Variants in CCDC85A observed in about 807,000 individuals in gnomAD.
CCDC85A encodes the protein coiled-coil domain containing 85A.
Under a neutral mutation model 50.2 loss-of-function variants are expected in CCDC85A, and 38 were observed. The observed-to-expected ratio is 0.76, with a 90% CI of 0.58 to 0.99. CCDC85A has a LOEUF of 0.99. CCDC85A is among the 50% of genes least tolerant of loss of function. The pLI is 0.00. For missense variants in CCDC85A, 820 were observed against 742.0 expected (o/e 1.11, Z -1.22); for synonymous variants, 366 against 301.4 (o/e 1.21, Z -2.22).
At chr2:56,366,154 C>G (rs1344087020) in intron 3 of CCDC85A, among the ~76,000 whole-genome samples, 1 of 152,126 alleles carries the variant, frequency 6.6e-6, no homozygotes, top group Admixed American at 6.5e-5. Context: ...CTTTATTCAT[C>G]CATTCATGGA....
rs771657944 is a variant in CCDC85A at position 56,369,856 on chromosome 2, T to A, written c.1318-2488T>A. ...CGTTTTCTGAAAAACCCTACACTAT[T>A]ACCTCTATAGAAGTTTCCAGAGTTT... On this transcript the variant is annotated intron_variant, in intron 3 of 5. Coordinates refer to ENST00000407595, the MANE Select transcript of CCDC85A (RefSeq NM_001080433.2). Among the ~76,000 whole-genome samples the A allele has an allele frequency of 2.6e-5, 4 of 152,146 alleles. No individual in the cohort carries two copies. The South Asian group carries it at 8.3e-4, about 32-fold the overall frequency.
intron 2 of CCDC85A, among the ~76,000 whole-genome samples, chr2:56,315,116 G>A (rs1216977527): frequency 1.3e-5 from 2 of 152,076 alleles, no homozygotes; most frequent in African/African-American, 4.8e-5. Context: ...TTCGCCACTG[G>A]GAATGTGTTT....
intron 2 of CCDC85A, among the ~76,000 whole-genome samples, chr2:56,277,902 G>A (rs1184773588): frequency 6.6e-6 from 1 of 152,222 alleles, no homozygotes; most frequent in Non-Finnish European, 1.5e-5. Context: ...AAAGACATTA[G>A]GAAGGGACGT....
chr2:56,333,769 G>A (rs1355416402), intron 2 of CCDC85A, among the ~76,000 whole-genome samples: 1 of 152,122 alleles, frequency 6.6e-6, no homozygotes, highest in African/African-American at 2.4e-5. Context: ...GAGGAACCAC[G>A]CATAATTCTA....
intron 2 of CCDC85A, among the ~76,000 whole-genome samples, chr2:56,262,096 A>G (rs949224089): frequency 6.6e-6 from 1 of 152,120 alleles, no homozygotes; most frequent in African/African-American, 2.4e-5. Flanking sequence ...ATTTCAGCCC[A>G]ATTTCAGGTG....
At position 56,251,243 on chromosome 2, in the gene CCDC85A, C is replaced by T. The variant is rs183697531; in HGVS notation, c.1240+57803C>T. ...GGGCTCTGTTTTCTCCTGTAGGCAGCAAATCCTTTGTGAGCCCAAGTTTGC... is the reference window on the plus strand; with the variant it reads ...GGGCTCTGTTTTCTCCTGTAGGCAGTAAATCCTTTGTGAGCCCAAGTTTGC... On this transcript the variant is annotated intron_variant, in intron 2 of 5. Coordinates refer to ENST00000407595, the MANE Select transcript of CCDC85A (RefSeq NM_001080433.2). Among the ~76,000 whole-genome samples the T allele has an allele frequency of 2.2e-4, 33 of 152,312 alleles. No homozygotes were observed. The East Asian group carries it at 6.0e-3, about 28-fold the overall frequency.
intron 2 of CCDC85A, among the ~76,000 whole-genome samples, chr2:56,273,912 G>C (rs1364639169): frequency 6.6e-6 from 1 of 152,082 alleles, no homozygotes; most frequent in East Asian, 1.9e-4. Context: ...AATAAAAAAT[G>C]AATTACAAAC....
intron 2 of CCDC85A, among the ~76,000 whole-genome samples, chr2:56,196,579 T>C (rs1247903221): frequency 6.6e-6 from 1 of 152,188 alleles, no homozygotes; most frequent in African/African-American, 2.4e-5. Context: ...TGCTTCCAGA[T>C]ACTAGCTGGC....
intron 3 of CCDC85A, among the ~76,000 whole-genome samples, chr2:56,362,894 A>T (rs1313170277): frequency 6.6e-6 from 1 of 152,058 alleles, no homozygotes; most frequent in Non-Finnish European, 1.5e-5. Flanking sequence ...AAGTGCTGGG[A>T]TTACAGGTGT....
chr2:56,211,746 A>G (rs938207736), intron 2 of CCDC85A, among the ~76,000 whole-genome samples: 20 of 151,954 alleles, frequency 1.3e-4, no homozygotes, highest in Non-Finnish European at 2.4e-4. Context: ...TACTCCTTCT[A>G]TGTGTCCCCT....
intron 3 of CCDC85A, among the ~76,000 whole-genome samples, chr2:56,356,592 G>A (rs1675237031): frequency 6.6e-6 from 1 of 151,250 alleles, no homozygotes; most frequent in Non-Finnish European, 1.5e-5. Flanking sequence ...AAATTAGCCA[G>A]GCATGGTGGC....
chr2:56,308,022 G>A (rs1387785093), intron 2 of CCDC85A, among the ~76,000 whole-genome samples: 1 of 152,174 alleles, frequency 6.6e-6, no homozygotes, highest in Non-Finnish European at 1.5e-5. Flanking sequence ...TAATTCTGAA[G>A]TTTACCCCAA....
intron 3 of CCDC85A, among the ~76,000 whole-genome samples, chr2:56,353,518 C>A (rs890783467): frequency 1.3e-5 from 2 of 152,158 alleles, no homozygotes; most frequent in African/African-American, 4.8e-5. Context: ...TGGGCTCATG[C>A]CTTATACATT....
Position 56,384,356 on chromosome 2 carries a change from G to A in CCDC85A, c.*1G>A, listed in dbSNP as rs1676734302. ...AAACCAGTACAAAGGACCAATGTGAGATGCACTCTTTTTCAAACAGGAGAT... is the reference window on the plus strand; with the variant it reads ...AAACCAGTACAAAGGACCAATGTGAAATGCACTCTTTTTCAAACAGGAGAT... On this transcript the variant is annotated 3_prime_UTR_variant, in exon 6 of 6. Transcript: ENST00000407595. 1.9e-6 allele frequency: 3 copies of A among 1,609,870 alleles called. No homozygotes were observed. The South Asian group carries it at 3.3e-5, about 18-fold the overall frequency.
intron 2 of CCDC85A, among the ~76,000 whole-genome samples, chr2:56,264,652 G>A (rs59161669): frequency 0.012 from 1,827 of 152,246 alleles, 30 homozygotes; most frequent in African/African-American, 0.041. Context: ...AACCACCAGA[G>A]TCATCCTGTC....
intron 2 of CCDC85A, chr2:56,235,217 T>A (rs1292091888): frequency 6.6e-6 from 1 of 152,138 alleles, no homozygotes; most frequent in Non-Finnish European, 1.5e-5. Context: ...TAGTTGGAAT[T>A]GTTAACAAAG....
At chr2:56,368,922 G>A (rs920163312) in intron 3 of CCDC85A, among the ~76,000 whole-genome samples, 3 of 151,702 alleles carry the variant, frequency 2.0e-5, no homozygotes, top group Admixed American at 1.3e-4. Flanking sequence ...ACTTTTTTTA[G>A]GAAGAATTTT....
At chr2:56,304,912 CA>C (rs1364517188) in intron 2 of CCDC85A, among the ~76,000 whole-genome samples, 8 of 140,774 alleles carry the variant, frequency 5.7e-5, no homozygotes, top group African/African-American at 2.2e-4. Flanking sequence ...AAACAAAAAA[CA>C]AAAAACAAAC....
At chr2:56,255,892 G>A (rs910712910) in intron 2 of CCDC85A, among the ~76,000 whole-genome samples, 1 of 152,114 alleles carries the variant, frequency 6.6e-6, no homozygotes, top group African/African-American at 2.4e-5. Flanking sequence ...GAAATACAGG[G>A]TTAACATTGG....
Sources: allele counts gnomAD v4.1 joint callset (sites outside exome capture counted in the v4.1 genomes callset), GRCh38; gene constraint gnomAD v4.1.1; transcripts MANE v1.5; gene names NCBI Gene and HGNC (gene_info 2026-07-23, HGNC 2026-07-21).